DIP2C: variants seen among roughly 807,000 people sequenced by gnomAD.
DIP2C encodes the protein DIP2 acetate--CoA ligase C (putative).
A neutral mutation model predicts 192.4 loss-of-function variants in DIP2C; 33 were observed. That is an observed-to-expected ratio of 0.17 (90% confidence interval 0.13 to 0.23). The LOEUF (loss-of-function observed/expected upper bound fraction) is 0.23. Among genes scored for constraint, DIP2C ranks in the 10% least tolerant of loss-of-function variants. DIP2C has a pLI of 1.00. For missense variants in DIP2C, 1,537 were observed against 2,110.1 expected, an observed-to-expected ratio of 0.73 and a Z score of 5.32; for synonymous variants, 979 against 864.1, an observed-to-expected ratio of 1.13 and a Z score of -2.33.
chr10:557,910 G>GGCAGGGGCA (rs1848994722), intron 1 of DIP2C, among the ~76,000 whole-genome samples: 1 of 115,314 alleles, frequency 8.7e-6, no homozygotes, highest in Non-Finnish European at 1.7e-5. Context: ...GCGGGGAAGG[G>GGCAGGGGCA]GGCGGGGAAG....
Position 652,501 on chromosome 10 carries a change from C to T in DIP2C, c.85+36993G>A. 1 of 155,222 alleles carries T rather than the reference C, an allele frequency of 6.4e-6. No homozygotes were observed. The highest frequency in any genetic ancestry group is 1.9e-4 in the East Asian group (1 of 5,216). The allele number at this position is 155,222 out of a possible 1,614,324, so 9.6% of individuals were successfully genotyped here. A position where few individuals can be genotyped will look rare whatever the true frequency, so the allele number is the denominator to read the frequency against. On this transcript the variant is annotated intron_variant, in intron 1 of 36. Transcript: ENST00000280886. This position sits in a 1 kb window ranked among gnomAD's most constrained non-coding sequence, Gnocchi z 4.5. ...CACCGGGCTGCCCCTCCTCCGCCCA[C>T]AGCCTCAGGCCACCTGTCTCATCCG... is the stretch of plus-strand genomic sequence containing the variant.
At chr10:487,591 T>A (rs1844118283) in intron 1 of DIP2C, among the ~76,000 whole-genome samples, 1 of 141,228 alleles carries the variant, frequency 7.1e-6, no homozygotes, top group South Asian at 2.5e-4. Flanking sequence ...TTTTTTTTTT[T>A]TTTTTTGAGA....
At chr10:320,882 T>C (rs1956974837) in intron 31 of DIP2C, among the ~76,000 whole-genome samples, 1 of 152,140 alleles carries the variant, frequency 6.6e-6, no homozygotes, top group Non-Finnish European at 1.5e-5. Context: ...AGGAACAAAG[T>C]ACACTGGCAA....
intron 1 of DIP2C, among the ~76,000 whole-genome samples, chr10:586,154 A>G (rs1223540087): frequency 6.6e-6 from 1 of 152,028 alleles, no homozygotes; most frequent in Non-Finnish European, 1.5e-5. Context: ...GTTTCCTTCT[A>G]TTTCTCACAA....
intron 2 of DIP2C, among the ~76,000 whole-genome samples, chr10:475,538 T>C (rs1157600376): frequency 6.6e-6 from 1 of 152,198 alleles, no homozygotes; most frequent in Non-Finnish European, 1.5e-5. Context: ...TCCAGGCTGC[T>C]GCTCGGCTTC....
intron 31 of DIP2C, among the ~76,000 whole-genome samples, chr10:317,460 G>A (rs868351531): frequency 2.6e-5 from 4 of 152,258 alleles, no homozygotes; most frequent in South Asian, 4.1e-4. Context: ...GGCGTGGGAA[G>A]GCTTTAGTTT....
At chr10:513,377 C>T (rs558380306) in intron 1 of DIP2C, among the ~76,000 whole-genome samples, 4 of 152,186 alleles carry the variant, frequency 2.6e-5, no homozygotes, top group South Asian at 2.1e-4. Context: ...TTGTTTGTCG[C>T]GTGTTTCCCT....
At chr10:385,717 C>T (rs780260248) in intron 14 of DIP2C, among the ~76,000 whole-genome samples, 2 of 152,180 alleles carry the variant, frequency 1.3e-5, no homozygotes, top group Admixed American at 6.5e-5. Flanking sequence ...ACCTGCCTCA[C>T]ACCGCAGCAG....
intron 1 of DIP2C, among the ~76,000 whole-genome samples, chr10:590,414 C>A (rs138402816): frequency 1.3e-5 from 2 of 152,350 alleles, no homozygotes; most frequent in Non-Finnish European, 2.9e-5. Context: ...CATCTTCTCC[C>A]AGAGGTGACC....
At chr10:657,168 GCTGGACCTCTCC>G (rs1564313716) in intron 1 of DIP2C, among the ~76,000 whole-genome samples, 1 of 126,848 alleles carries the variant, frequency 7.9e-6, no homozygotes, top group African/African-American at 3.0e-5. Context: ...TGGACCTGAT[GCTGGACCTCTCC>G]CTGGACCTGA....
At chr10:488,756 G>T (rs556708601) in intron 1 of DIP2C, among the ~76,000 whole-genome samples, 1 of 152,358 alleles carries the variant, frequency 6.6e-6, no homozygotes, top group African/African-American at 2.4e-5. Flanking sequence ...TAGCTTGCGT[G>T]ATGTCGTGGA....
At chr10:498,029 A>C (rs1448419541) in intron 1 of DIP2C, among the ~76,000 whole-genome samples, 2 of 132,132 alleles carry the variant, frequency 1.5e-5, no homozygotes, top group Non-Finnish European at 3.4e-5. Flanking sequence ...GCACCACCAC[A>C]CCCGGCTAAC....
chr10:639,245 A>G (rs1855014493), intron 1 of DIP2C, among the ~76,000 whole-genome samples: 1 of 135,460 alleles, frequency 7.4e-6, no homozygotes, highest in Non-Finnish European at 1.6e-5. Flanking sequence ...GGGACGCGTC[A>G]GGTCGGGGGG....
chr10:365,285 C>T (rs1960052077), intron 19 of DIP2C, among the ~76,000 whole-genome samples: 2 of 152,210 alleles, frequency 1.3e-5, no homozygotes, highest in Admixed American at 6.5e-5. Context: ...GTAATCCCGG[C>T]ACTTTAGGAG....
chr10:299,726 ATTTGC>A (rs1206617001), intron 32 of DIP2C, among the ~76,000 whole-genome samples: 1 of 152,158 alleles, frequency 6.6e-6, no homozygotes, highest in Non-Finnish European at 1.5e-5. Context: ...TGAAAGCAAG[ATTTGC>A]AAATCACATA....
At chr10:573,076 A>G (rs996992691) in intron 1 of DIP2C, among the ~76,000 whole-genome samples, 1 of 152,166 alleles carries the variant, frequency 6.6e-6, no homozygotes, top group Admixed American at 6.5e-5. Context: ...CTCGGAGGGA[A>G]ATGCTACAAA....
intron 2 of DIP2C, among the ~76,000 whole-genome samples, chr10:474,620 C>T (rs531695728): frequency 6.6e-6 from 1 of 152,296 alleles, no homozygotes; most frequent in South Asian, 2.1e-4. Flanking sequence ...CGTCTCTCCA[C>T]ACTCCCGTGC....
chr10:373,840 G>GCC (rs1961266185), intron 17 of DIP2C, among the ~76,000 whole-genome samples: 1 of 152,176 alleles, frequency 6.6e-6, no homozygotes. Context: ...TCATGCGCTT[G>GCC]CCCTTTCAAG....
chr10:613,215 C>G (rs1479819097), intron 1 of DIP2C, among the ~76,000 whole-genome samples: 2 of 152,218 alleles, frequency 1.3e-5, no homozygotes, highest in Non-Finnish European at 2.9e-5. Context: ...CCCATTAGAA[C>G]TTTTGAAGAA....
Sources: gnomAD v4.1 joint callset for allele counts (sites outside exome capture counted in the v4.1 genomes callset) on GRCh38, gnomAD v4.1.1 for gene constraint, Gnocchi (gnomAD v3.1) non-coding constraint, MANE v1.5 for transcripts, NCBI Gene and HGNC (gene_info 2026-07-23, HGNC 2026-07-21) for gene names.